The following ANKRD30BL variants were observed in gnomAD, a reference collection of about 807,000 sequenced individuals.
ANKRD30BL encodes the protein putative ankyrin repeat domain-containing protein 30B-like.
ANKRD30BL carries 20 observed loss-of-function variants against 18.4 expected under a neutral mutation model. That is an observed-to-expected ratio of 1.09 (90% confidence interval 0.77 to 1.58). The LOEUF is 1.58. Ranked by LOEUF, ANKRD30BL falls within the 40% of genes most tolerant of loss-of-function variation. The probability of loss-of-function intolerance (pLI) is 0.00; values close to 1 mark genes in which losing one functional copy is unlikely to be tolerated. For missense variants in ANKRD30BL, 224 were observed against 268.6 expected, an observed-to-expected ratio of 0.83 and a Z score of 1.16; for synonymous variants, 72 against 100.9, an observed-to-expected ratio of 0.71 and a Z score of 1.72.
chr2:132,221,815 A>C (rs1305334717), intron 1 of ANKRD30BL, among the ~76,000 whole-genome samples: 1 of 94,078 alleles, frequency 1.1e-5, no homozygotes, highest in African/African-American at 5.6e-5. Context: ...TCCGGGAGGG[A>C]GGTGGGGGGG....
intron 1 of ANKRD30BL, among the ~76,000 whole-genome samples, chr2:132,224,338 A>G (rs191238025): frequency 6.6e-6 from 1 of 152,144 alleles, no homozygotes. Context: ...AATTCTCAGA[A>G]TCTTCTTTGT....
At chr2:132,215,340 A>G (rs1433075347) in intron 1 of ANKRD30BL, among the ~76,000 whole-genome samples, 1 of 152,208 alleles carries the variant, frequency 6.6e-6, no homozygotes, top group Non-Finnish European at 1.5e-5. Flanking sequence ...CCTGAGGTGG[A>G]AAAGGATATA....
At chr2:132,198,312 CTTTCTTTCTTTCTTTT>C (rs1175131381) in intron 1 of ANKRD30BL, among the ~76,000 whole-genome samples, 2 of 12,226 alleles carry the variant, frequency 1.6e-4, no homozygotes, top group East Asian at 1.9e-3. Context: ...TTCTTTCTTT[CTTTCTTTCTTTCTTTT>C]TTTTTTTTTT....
At chr2:132,256,976 G>C (rs771855246) in intron 1 of ANKRD30BL, 194 of 512,966 alleles carry the variant, frequency 3.8e-4, no homozygotes, top group Middle Eastern at 3.7e-3. Flanking sequence ...GAAACCTCAG[G>C]CACGGCCGGG....
At chr2:132,173,448 CA>C (rs1489053751) in intron 1 of ANKRD30BL, among the ~76,000 whole-genome samples, 1 of 151,834 alleles carries the variant, frequency 6.6e-6, no homozygotes, top group Non-Finnish European at 1.5e-5. Flanking sequence ...TACAGGCCAC[CA>C]CGCCCGGCTA....
intron 1 of ANKRD30BL, among the ~76,000 whole-genome samples, chr2:132,186,790 G>A (rs1420623759): frequency 1.3e-5 from 2 of 152,042 alleles, no homozygotes; most frequent in Non-Finnish European, 2.9e-5. Context: ...TGACTGAAGG[G>A]CATTGTTTTG....
chr2:132,239,548 T>C lies in ANKRD30BL; in HGVS notation n.441+17981A>G, dbSNP rs904070338. On this transcript the variant is annotated intron_variant and non_coding_transcript_variant, in intron 1 of 4. Transcript: ENST00000470729. ...CAACTCACAGAGTTGAGCTATTCTT[T>C]TGATAGAGCAGTTTTGATACACCCT... is the stretch of plus-strand genomic sequence containing the variant. 7.2e-5 allele frequency among the ~76,000 whole-genome samples: 11 copies of C among 151,944 alleles called. No individual in the cohort carries two copies. In the Admixed American group the frequency reaches 7.3e-4, roughly 10 times the overall value.
intron 1 of ANKRD30BL, among the ~76,000 whole-genome samples, chr2:132,217,597 G>A (rs562809285): frequency 9.9e-5 from 15 of 152,270 alleles, no homozygotes; most frequent in South Asian, 6.2e-4. Context: ...GTTGGAAGTC[G>A]GAATATCTTC....
intron 1 of ANKRD30BL, among the ~76,000 whole-genome samples, chr2:132,171,572 C>T (rs1018921929): frequency 6.6e-6 from 1 of 152,174 alleles, no homozygotes; most frequent in African/African-American, 2.4e-5. Context: ...TTACTGTAAA[C>T]ATTTTTGTGA....
chr2:132,226,216 C>A (rs1679840184), intron 1 of ANKRD30BL, among the ~76,000 whole-genome samples: 1 of 149,924 alleles, frequency 6.7e-6, no homozygotes, highest in East Asian at 2.0e-4. Flanking sequence ...TTTTCTGAAA[C>A]TTCTTGGTGA....
In ANKRD30BL at chr2:132,161,554, G is replaced by A. The variant is rs1304605448; in HGVS notation, c.152C>T (p.Ala51Val). 5 of 1,456,706 alleles carry A rather than the reference G, an allele frequency of 3.4e-6. No homozygotes were observed. The highest frequency in any genetic ancestry group is 1.4e-5 in the African/African-American group (1 of 70,782). 90.2% of individuals were successfully genotyped at this position (1,456,706 alleles called of 1,614,324 possible). A position where few individuals can be genotyped will look rare whatever the true frequency, so the allele number is the denominator to read the frequency against. The change falls in exon 1 of 6, where the codon GCC (alanine) becomes GTC (valine). Residue 51 changes from alanine (A) to valine (V), a missense_variant. Around this residue, in one of 3 missense-constraint regions of ANKRD30BL, gnomAD observed 131 missense variants for 128.8 expected, o/e 1.02. Transcript: ENST00000409867. ...CTTCATCATCCTCTCCAGCTTCCAG[G>A]CTTGGCCCCGGGAGGCAGCTTTGTG... is the stretch of plus-strand genomic sequence containing the variant. ...KIHKAASRGQ[A>V]WKLERMMKKT...
chr2:132,217,070 C>T (rs1342331175), intron 1 of ANKRD30BL, among the ~76,000 whole-genome samples: 1 of 151,632 alleles, frequency 6.6e-6, no homozygotes, highest in African/African-American at 2.4e-5. Context: ...TCTTTGAGAC[C>T]TATGGTGGAA....
chr2:132,232,027 C>A (rs111760896), intron 1 of ANKRD30BL, among the ~76,000 whole-genome samples: 3 of 152,326 alleles, frequency 2.0e-5, no homozygotes, highest in Non-Finnish European at 2.9e-5. Flanking sequence ...GTCCCTGACC[C>A]CTGACCCCCG....
At chr2:132,215,571 T>C (rs1197707096) in intron 1 of ANKRD30BL, among the ~76,000 whole-genome samples, 1 of 152,206 alleles carries the variant, frequency 6.6e-6, no homozygotes, top group Non-Finnish European at 1.5e-5. Flanking sequence ...TACTTTGTGA[T>C]GTATGCATTC....
chr2:132,241,658 G>C (rs1380057248), intron 1 of ANKRD30BL, among the ~76,000 whole-genome samples: 1 of 151,266 alleles, frequency 6.6e-6, no homozygotes, highest in Non-Finnish European at 1.5e-5. Flanking sequence ...TGATAGCTTT[G>C]TGGTTTTGTT....
At chr2:132,224,634 G>C (rs921633035) in intron 1 of ANKRD30BL, among the ~76,000 whole-genome samples, 2 of 152,038 alleles carry the variant, frequency 1.3e-5, no homozygotes, top group African/African-American at 4.8e-5. Flanking sequence ...TGGTGGAAAA[G>C]GAAGTATCTT....
chr2:132,212,627 G>T (rs970109235), intron 1 of ANKRD30BL, among the ~76,000 whole-genome samples: 3 of 151,278 alleles, frequency 2.0e-5, no homozygotes, highest in Non-Finnish European at 4.4e-5. Flanking sequence ...GCCTATGGGG[G>T]AAAACAATCT....
upstream of ANKRD30BL, among the ~76,000 whole-genome samples, chr2:132,162,461 C>T (rs866692702): frequency 7.0e-4 from 107 of 152,286 alleles, no homozygotes; most frequent in African/African-American, 2.4e-3. Flanking sequence ...TTCCTCGGCT[C>T]GCGCTGGCAG....
chr2:132,216,552 T>C (rs1201693721), intron 1 of ANKRD30BL, among the ~76,000 whole-genome samples: 2 of 152,112 alleles, frequency 1.3e-5, no homozygotes. Flanking sequence ...ACAGAAGCAT[T>C]CTGAGAAACT....
Sources: gnomAD v4.1 joint callset for allele counts (sites outside exome capture counted in the v4.1 genomes callset) on GRCh38, gnomAD v4.1.1 for gene constraint, gnomAD v4.1.1 regional missense constraint, MANE v1.5 for transcripts, NCBI Gene and HGNC (gene_info 2026-07-23, HGNC 2026-07-21) for gene names.